The following GRID2 variants were observed in gnomAD, a reference collection of about 807,000 sequenced individuals.
GRID2 encodes glutamate receptor ionotropic, delta-2.
In GRID2, 33 loss-of-function variants were observed where a neutral mutation model predicts 114.8. That is an observed-to-expected ratio of 0.29 (90% CI 0.22 to 0.38). The LOEUF is 0.38. Among genes scored for constraint, GRID2 ranks in the 10% least tolerant of loss-of-function variants. The pLI, the probability that GRID2 is intolerant of heterozygous loss-of-function variation, is 1.00. For synonymous variants in GRID2, 505 were observed against 449.9 expected (o/e 1.12, Z -1.55); for missense variants, 1,184 against 1,257.7 (o/e 0.94, Z 0.89).
intron 2 of GRID2, among the ~76,000 whole-genome samples, chr4:93,076,976 C>T (rs1017510075): frequency 1.3e-5 from 2 of 152,066 alleles, no homozygotes; most frequent in African/African-American, 4.8e-5. Flanking sequence ...TAGTATGTAG[C>T]AGTCCCTCAG....
chr4:93,295,627 C>T (rs72874947), intron 8 of GRID2, among the ~76,000 whole-genome samples: 8,238 of 152,152 alleles, frequency 0.054, 755 homozygotes, highest in African/African-American at 0.19. Context: ...CCTCCTCCTC[C>T]TCTTCATCCT....
In GRID2 at chr4:92,937,966, T is replaced by C. The variant is rs1365537147; in HGVS notation, c.245-147029T>C. Reference sequence around the variant, plus strand: ...TTCAATCTTTCACCTTTAAATATGATGGTAGCTGTGGGTTTTCCACAAATG... The same window carrying C: ...TTCAATCTTTCACCTTTAAATATGACGGTAGCTGTGGGTTTTCCACAAATG... On this transcript the variant is annotated intron_variant, in intron 2 of 15. Coordinates refer to ENST00000282020, the MANE Select transcript of GRID2 (RefSeq NM_001510.4). 4.1e-5 allele frequency among the ~76,000 whole-genome samples: 6 copies of C among 146,970 alleles called. 1 individual carries two copies. The highest frequency in any genetic ancestry group is 2.2e-4 in the Admixed American group (3 of 13,586).
At chr4:93,624,816 T>A (rs1162676256) in intron 13 of GRID2, among the ~76,000 whole-genome samples, 1 of 152,158 alleles carries the variant, frequency 6.6e-6, no homozygotes, top group Non-Finnish European at 1.5e-5. Flanking sequence ...GGATAGTAGG[T>A]TGGGCTTTTA....
chr4:93,520,340 A>G (rs1730206080), intron 13 of GRID2, among the ~76,000 whole-genome samples: 1 of 149,096 alleles, frequency 6.7e-6, no homozygotes, highest in African/African-American at 2.5e-5. Flanking sequence ...GTAAGAATGG[A>G]AAAAAAAAAG....
chr4:93,150,324 TTATATATTAA>T (rs1579124036), intron 4 of GRID2, among the ~76,000 whole-genome samples: 1 of 152,226 alleles, frequency 6.6e-6, no homozygotes, highest in East Asian at 1.9e-4. Flanking sequence ...ATTATATCTA[TTATATATTAA>T]TAGGATTACA....
At chr4:92,555,589 A>G (rs1726811332) in intron 1 of GRID2, among the ~76,000 whole-genome samples, 1 of 152,222 alleles carries the variant, frequency 6.6e-6, no homozygotes, top group South Asian at 2.1e-4. Flanking sequence ...AACTTCCTAA[A>G]ATATTGGGAT....
At chr4:92,749,566 G>A (rs1347200315) in intron 2 of GRID2, among the ~76,000 whole-genome samples, 2 of 152,188 alleles carry the variant, frequency 1.3e-5, no homozygotes, top group East Asian at 3.9e-4. Context: ...GCCCGCCTCG[G>A]CCTCCCAAGA....
At chr4:92,469,025 C>T (rs1206258013) in intron 1 of GRID2, among the ~76,000 whole-genome samples, 1 of 152,152 alleles carries the variant, frequency 6.6e-6, no homozygotes, top group Admixed American at 6.6e-5. Flanking sequence ...ACCTATGTCA[C>T]TGCCTGGGCA....
chr4:93,558,736 G>A (rs1323926217), intron 13 of GRID2, among the ~76,000 whole-genome samples: 3 of 152,128 alleles, frequency 2.0e-5, no homozygotes, highest in South Asian at 2.1e-4. Context: ...CTCATTTTAT[G>A]AGGCCAGCAT....
intron 8 of GRID2, among the ~76,000 whole-genome samples, chr4:93,393,591 C>T (rs768057341): frequency 2.6e-5 from 4 of 151,898 alleles, no homozygotes; most frequent in Non-Finnish European, 5.9e-5. Flanking sequence ...CCTCCAAATA[C>T]TAGAATGCTT....
chr4:92,611,146 ATGTG>A lies in GRID2; in HGVS notation c.244+20878_244+20881del, dbSNP rs57724105. ...TGTGTGTGTGCATGTGTGTGTGTGCATGTGTGTGTGTGTGTGTGTGTTTTAGCCT... is the reference window on the plus strand; with the variant it reads ...TGTGTGTGTGCATGTGTGTGTGTGCATGTGTGTGTGTGTGTGTTTTAGCCT... On this transcript the variant is annotated intron_variant, in intron 2 of 15. Transcript: ENST00000282020. Among the ~76,000 whole-genome samples the A allele has an allele frequency of 4.0e-3, 541 of 136,188 alleles. 1 individual carries two copies. Among genetic ancestry groups the A allele is most frequent in the African/African-American group, 0.014 (508 of 35,940 alleles). The allele number at this position is 136,188 out of a possible 152,430, so 89.3% of individuals were successfully genotyped here. A position where few individuals can be genotyped will look rare whatever the true frequency, so the allele number is the denominator to read the frequency against.
chr4:92,914,202 CAT>C (rs1259467773), intron 2 of GRID2, among the ~76,000 whole-genome samples: 1 of 152,030 alleles, frequency 6.6e-6, no homozygotes, highest in Non-Finnish European at 1.5e-5. Flanking sequence ...AAAATGTAAA[CAT>C]ATTTTCCCCA....
At chr4:92,569,953 CTTTAG>C (rs1727529198) in intron 1 of GRID2, among the ~76,000 whole-genome samples, 1 of 152,078 alleles carries the variant, frequency 6.6e-6, no homozygotes, top group Non-Finnish European at 1.5e-5. Flanking sequence ...TGCAGAAGCG[CTTTAG>C]TTTAATTAGA....
intron 14 of GRID2, among the ~76,000 whole-genome samples, chr4:93,672,483 G>C (rs536775957): frequency 6.6e-6 from 1 of 152,350 alleles, no homozygotes; most frequent in Middle Eastern, 3.4e-3. Flanking sequence ...AAATTTGATA[G>C]TTTGACTTAA....
chr4:93,771,020 A>T (rs1241993926), intron 15 of GRID2, among the ~76,000 whole-genome samples: 3 of 152,210 alleles, frequency 2.0e-5, no homozygotes, highest in African/African-American at 7.2e-5. Context: ...CACAATGAAA[A>T]AAATACATGC....
chr4:92,789,870 T>A (rs1158178506), intron 2 of GRID2, among the ~76,000 whole-genome samples: 1 of 151,888 alleles, frequency 6.6e-6, no homozygotes, highest in Non-Finnish European at 1.5e-5. Context: ...TATGAGGGAA[T>A]GCCAACAGTC....
At chr4:92,721,399 T>G (rs1235727808) in intron 2 of GRID2, among the ~76,000 whole-genome samples, 1 of 152,148 alleles carries the variant, frequency 6.6e-6, no homozygotes, top group Non-Finnish European at 1.5e-5. Context: ...ATTAACTACA[T>G]GAAATTTCAG....
chr4:93,585,911 T>C (rs2149602352), intron 13 of GRID2, among the ~76,000 whole-genome samples: 2 of 152,242 alleles, frequency 1.3e-5, no homozygotes, highest in South Asian at 4.1e-4. Context: ...AAGATGCTCT[T>C]GCTTAAATTG....
At chr4:93,563,122 G>T (rs1335457863) in intron 13 of GRID2, among the ~76,000 whole-genome samples, 2 of 151,972 alleles carry the variant, frequency 1.3e-5, no homozygotes, top group Non-Finnish European at 2.9e-5. Context: ...ATAAAATTTG[G>T]TGGTTATGAT....
Sources: allele counts gnomAD v4.1 joint callset (sites outside exome capture counted in the v4.1 genomes callset), GRCh38; gene constraint gnomAD v4.1.1; transcripts MANE v1.5; gene names NCBI Gene and HGNC (gene_info 2026-07-23, HGNC 2026-07-21).